The following TBC1D4 variants were observed in gnomAD, a reference collection of about 807,000 sequenced individuals.
TBC1D4 encodes TBC1 domain family member 4.
TBC1D4 carries 121 observed loss-of-function variants against 142.5 expected under a neutral mutation model. That is an observed-to-expected ratio of 0.85 (90% CI 0.73 to 0.99). The LOEUF (loss-of-function observed/expected upper bound fraction) is 0.99. Among genes scored for constraint, TBC1D4 ranks in the 50% least tolerant of loss-of-function variants. TBC1D4 has a pLI of 0.00. For synonymous variants in TBC1D4, 630 were observed against 628.2 expected, an observed-to-expected ratio of 1.00 and a Z score of -0.04; for missense variants, 1,475 against 1,606.6, an observed-to-expected ratio of 0.92 and a Z score of 1.40.
chr13:75,395,598 A>T (rs1268122609), intron 1 of TBC1D4, among the ~76,000 whole-genome samples: 1 of 152,184 alleles, frequency 6.6e-6, no homozygotes, highest in Non-Finnish European at 1.5e-5. Flanking sequence ...TGGAAGGACG[A>T]GGCAGGTGGA....
chr13:75,334,579 TTTTG>T (rs962717362), intron 8 of TBC1D4, among the ~76,000 whole-genome samples: 48 of 151,892 alleles, frequency 3.2e-4, no homozygotes, highest in Non-Finnish European at 5.6e-4. Context: ...ACAGGTGGTT[TTTTG>T]TTTGTTTGTT....
chr13:75,287,867 G>A (rs1566335774), intron 20 of TBC1D4, among the ~76,000 whole-genome samples: 2 of 152,112 alleles, frequency 1.3e-5, no homozygotes, highest in East Asian at 3.9e-4. Context: ...CAGTGTTGGG[G>A]AAATGGAGAG....
intron 11 of TBC1D4, among the ~76,000 whole-genome samples, chr13:75,321,410 A>G (rs1878768980): frequency 6.6e-6 from 1 of 150,810 alleles, no homozygotes; most frequent in African/African-American, 2.4e-5. Context: ...CAAATGGCTT[A>G]GAATGAGGAA....
At position 75,362,259 on chromosome 13, in the gene TBC1D4, C is replaced by T; in HGVS notation, c.847G>A (p.Gly283Arg). ...CTGGTCAGGGCAGGCTGGCTGGCCCCGGCAGGTAAGCCAAGGTGGGTGTCG... is the reference window on the plus strand; with the variant it reads ...CTGGTCAGGGCAGGCTGGCTGGCCCTGGCAGGTAAGCCAAGGTGGGTGTCG... ...GTDTHLGLPA[G>R]ASQPALTSSR... is the part of the protein sequence containing the mutation. The change falls in exon 2 of 21, where the codon GGG (glycine) becomes AGG (arginine). Residue 283 changes from glycine to arginine, a missense_variant. Physicochemically the swap from Gly to Arg is moderately radical, Grantham distance 125. Coordinates refer to ENST00000377636, the MANE Select transcript of TBC1D4 (RefSeq NM_014832.5). The surrounding 1 kb of genome is among the most constrained non-coding windows in gnomAD (Gnocchi z 4.2). 2 of 1,613,800 alleles carry T rather than the reference C, an allele frequency of 1.2e-6. No individual in the cohort carries two copies. The highest frequency in any genetic ancestry group is 1.7e-6 in the Non-Finnish European group (2 of 1,179,954).
chr13:75,457,771 G>T (rs1887797987), intron 1 of TBC1D4, among the ~76,000 whole-genome samples: 1 of 152,156 alleles, frequency 6.6e-6, no homozygotes, highest in Non-Finnish European at 1.5e-5. Flanking sequence ...CTGTGGTAAG[G>T]CTTAGAAATC....
chr13:75,460,443 A>T (rs1006080989), intron 1 of TBC1D4, among the ~76,000 whole-genome samples: 1 of 152,344 alleles, frequency 6.6e-6, no homozygotes, highest in Non-Finnish European at 1.5e-5. Context: ...ACAAGAGGGC[A>T]TTCCCAACAA....
At chr13:75,413,038 TG>T (rs1345331687) in intron 1 of TBC1D4, among the ~76,000 whole-genome samples, 3 of 151,810 alleles carry the variant, frequency 2.0e-5, no homozygotes, top group African/African-American at 7.3e-5. Flanking sequence ...GACAAGAAAA[TG>T]GGCAAGTACA....
intron 1 of TBC1D4, among the ~76,000 whole-genome samples, chr13:75,453,678 A>G (rs920756676): frequency 2.6e-5 from 4 of 152,172 alleles, no homozygotes; most frequent in Admixed American, 2.6e-4. Flanking sequence ...CCTGGCCAAC[A>G]TGGCAAAACC....
chr13:75,370,754 T>C (rs577075815), intron 1 of TBC1D4, among the ~76,000 whole-genome samples: 11 of 152,260 alleles, frequency 7.2e-5, no homozygotes, highest in African/African-American at 2.6e-4. Flanking sequence ...CAGTAGGCAG[T>C]TGATTATATG....
intron 4 of TBC1D4, among the ~76,000 whole-genome samples, chr13:75,355,557 T>G (rs1881973649): frequency 1.3e-5 from 2 of 152,158 alleles, no homozygotes; most frequent in Non-Finnish European, 2.9e-5. Flanking sequence ...GAATCTCTCC[T>G]TCACAGCAAT....
chr13:75,454,115 A>G (rs57800439), intron 1 of TBC1D4, among the ~76,000 whole-genome samples: 2 of 151,592 alleles, frequency 1.3e-5, no homozygotes, highest in African/African-American at 4.9e-5. Flanking sequence ...TCCACCCTCC[A>G]GGCTCAAACA....
At chr13:75,445,172 A>G (rs1887222913) in intron 1 of TBC1D4, among the ~76,000 whole-genome samples, 1 of 152,202 alleles carries the variant, frequency 6.6e-6, no homozygotes, top group Admixed American at 6.5e-5. Flanking sequence ...CAGAGAAGAT[A>G]ATCACACAGG....
At chr13:75,344,049 G>A (rs1880948779) in intron 5 of TBC1D4, among the ~76,000 whole-genome samples, 1 of 150,958 alleles carries the variant, frequency 6.6e-6, no homozygotes, top group Admixed American at 6.6e-5. Context: ...CCATTTTGGA[G>A]AGGCTGGGCC....
chr13:75,414,049 A>G (rs1004861282), intron 1 of TBC1D4, among the ~76,000 whole-genome samples: 1 of 152,200 alleles, frequency 6.6e-6, no homozygotes, highest in Admixed American at 6.5e-5. Flanking sequence ...ACAGTGATCA[A>G]GCAATCCCAT....
At chr13:75,426,505 T>A (rs1043883276) in intron 1 of TBC1D4, among the ~76,000 whole-genome samples, 72 of 152,288 alleles carry the variant, frequency 4.7e-4, no homozygotes, top group Non-Finnish European at 4.4e-5. Flanking sequence ...CACATATAAA[T>A]CAAATAATAC....
chr13:75,301,823 T>C (rs183467887), intron 16 of TBC1D4, among the ~76,000 whole-genome samples: 5 of 152,318 alleles, frequency 3.3e-5, no homozygotes, highest in African/African-American at 7.2e-5. Context: ...ATATAAAGGA[T>C]TGTTTTCAGC....
intron 1 of TBC1D4, among the ~76,000 whole-genome samples, chr13:75,365,561 T>C (rs1882861000): frequency 6.6e-6 from 1 of 152,252 alleles, no homozygotes; most frequent in African/African-American, 2.4e-5. Flanking sequence ...AAAATTTCTA[T>C]CAAGTACTTG....
chr13:75,337,474 C>T (rs1183113456), intron 7 of TBC1D4, among the ~76,000 whole-genome samples: 1 of 152,158 alleles, frequency 6.6e-6, no homozygotes, highest in Non-Finnish European at 1.5e-5. Context: ...CTGGTAATGC[C>T]TCTGTTATAA....
At chr13:75,416,201 G>C (rs1472987346) in intron 1 of TBC1D4, among the ~76,000 whole-genome samples, 1 of 152,132 alleles carries the variant, frequency 6.6e-6, no homozygotes, top group Non-Finnish European at 1.5e-5. Flanking sequence ...TGGTTCACTA[G>C]TAGTGACAAA....
Sources: gnomAD v4.1 joint callset for allele counts (sites outside exome capture counted in the v4.1 genomes callset) on GRCh38, gnomAD v4.1.1 for gene constraint, Gnocchi (gnomAD v3.1) non-coding constraint, MANE v1.5 for transcripts, NCBI Gene and HGNC (gene_info 2026-07-23, HGNC 2026-07-21) for gene names.